ZNF521: variants seen among roughly 807,000 people sequenced by gnomAD.
ZNF521 encodes zinc finger protein 521.
Under a neutral mutation model 105.5 loss-of-function variants are expected in ZNF521, and 14 were observed. The observed-to-expected ratio is 0.13, with a 90% confidence interval of 0.09 to 0.21. The LOEUF is 0.21. ZNF521 is among the 10% of genes least tolerant of loss of function. The pLI is 1.00. For missense variants in ZNF521, 1,233 were observed against 1,629.7 expected, an observed-to-expected ratio of 0.76 and a Z score of 4.19; for synonymous variants, 635 against 606.0, an observed-to-expected ratio of 1.05 and a Z score of -0.70.
chr18:25,130,692 C>A (rs909719109), intron 5 of ZNF521, among the ~76,000 whole-genome samples: 10 of 152,102 alleles, frequency 6.6e-5, no homozygotes, highest in Admixed American at 1.3e-4. Context: ...CTTGTTATCC[C>A]AGCACTTTGG....
At chr18:25,072,217 A>T (rs1180589358) in intron 7 of ZNF521, among the ~76,000 whole-genome samples, 1 of 152,246 alleles carries the variant, frequency 6.6e-6, no homozygotes, top group Non-Finnish European at 1.5e-5. Flanking sequence ...AAGACTAAGC[A>T]AAGACTAATT....
In ZNF521 at chr18:25,210,548, C is replaced by T. The variant is rs566247807; in HGVS notation, c.3573+13797G>A. Reference sequence around the variant, plus strand: ...CTCAATCTCTTTATGACATGAAGTGCATAGTATATCACATACTTACGAGGT... The same window carrying T: ...CTCAATCTCTTTATGACATGAAGTGTATAGTATATCACATACTTACGAGGT... On this transcript the variant is annotated intron_variant, in intron 4 of 7. Coordinates refer to ENST00000361524, the MANE Select transcript of ZNF521 (RefSeq NM_015461.3). 5.9e-5 allele frequency among the ~76,000 whole-genome samples: 9 copies of T among 152,260 alleles called. No individual in the cohort carries two copies. In the East Asian group the frequency reaches 1.7e-3, roughly 29 times the overall value.
chr18:25,188,984 G>A (rs2035773467), intron 5 of ZNF521, among the ~76,000 whole-genome samples: 1 of 152,162 alleles, frequency 6.6e-6, no homozygotes, highest in Non-Finnish European at 1.5e-5. Flanking sequence ...CTAACTGCCA[G>A]TATTTTTTAT....
At chr18:25,310,414 TAAAACAA>T (rs1912234882) in intron 3 of ZNF521, among the ~76,000 whole-genome samples, 1 of 146,326 alleles carries the variant, frequency 6.8e-6, no homozygotes, top group Admixed American at 6.8e-5. Flanking sequence ...GAGTCAGATT[TAAAACAA>T]AAAACAGAAA....
chr18:25,106,319 A>G (rs896888716), intron 5 of ZNF521, among the ~76,000 whole-genome samples: 1 of 152,136 alleles, frequency 6.6e-6, no homozygotes, highest in Non-Finnish European at 1.5e-5. Flanking sequence ...GTTGATTTGG[A>G]AAATACCAGG....
intron 5 of ZNF521, among the ~76,000 whole-genome samples, chr18:25,150,906 T>G (rs1368167713): frequency 2.7e-5 from 4 of 150,130 alleles, no homozygotes; most frequent in African/African-American, 9.8e-5. Context: ...TTTTTTTTTT[T>G]GAGACAGAGT....
At chr18:25,231,840 T>C (rs1271958344) in intron 3 of ZNF521, among the ~76,000 whole-genome samples, 1 of 152,200 alleles carries the variant, frequency 6.6e-6, no homozygotes, top group African/African-American at 2.4e-5. Flanking sequence ...ATTCCAACAC[T>C]AGGGGCAATC....
At chr18:25,219,513 G>T (rs1905553969) in intron 4 of ZNF521, among the ~76,000 whole-genome samples, 1 of 152,222 alleles carries the variant, frequency 6.6e-6, no homozygotes. Context: ...CCGAAACTCA[G>T]AGCAAAGATG....
At chr18:25,178,563 A>G (rs1262040259) in intron 5 of ZNF521, among the ~76,000 whole-genome samples, 8 of 152,176 alleles carry the variant, frequency 5.3e-5, no homozygotes, top group Non-Finnish European at 1.2e-4. Flanking sequence ...TTTGTTGCCT[A>G]TTTCCCACCA....
intron 2 of ZNF521, among the ~76,000 whole-genome samples, chr18:25,322,550 A>C (rs1029291535): frequency 6.7e-6 from 1 of 150,288 alleles, no homozygotes; most frequent in Non-Finnish European, 1.5e-5. Flanking sequence ...AAAAAAAAAA[A>C]AAACCCCCCC....
At chr18:25,122,189 C>T (rs35195345) in intron 5 of ZNF521, among the ~76,000 whole-genome samples, 26,296 of 151,842 alleles carry the variant, frequency 0.17, 2,277 homozygotes, top group Middle Eastern at 0.23. Context: ...TTAGACATTA[C>T]AGAAGAAAAG....
intron 3 of ZNF521, among the ~76,000 whole-genome samples, chr18:25,316,211 AAG>A (rs1912605859): frequency 6.6e-6 from 1 of 151,936 alleles, no homozygotes; most frequent in South Asian, 2.1e-4. Flanking sequence ...GGAGAAAGGA[AAG>A]GGGAAAATAT....
chr18:25,116,587 TAAC>T (rs1335600846), intron 5 of ZNF521, among the ~76,000 whole-genome samples: 1 of 151,984 alleles, frequency 6.6e-6, no homozygotes, highest in Non-Finnish European at 1.5e-5. Flanking sequence ...CTCTTGCAGA[TAAC>T]TACTATAAAT....
At chr18:25,308,724 T>C (rs1912133787) in intron 3 of ZNF521, among the ~76,000 whole-genome samples, 1 of 143,742 alleles carries the variant, frequency 7.0e-6, no homozygotes, top group South Asian at 2.3e-4. Context: ...TCTATTCCAG[T>C]GATTTATTGG....
intron 5 of ZNF521, among the ~76,000 whole-genome samples, chr18:25,130,376 T>A (rs7230316): frequency 0.16 from 24,716 of 152,084 alleles, 2,181 homozygotes; most frequent in Middle Eastern, 0.26. Flanking sequence ...CAAAGAAAAT[T>A]TTTTGGGCAG....
At chr18:25,278,545 G>A (rs182224401) in intron 3 of ZNF521, among the ~76,000 whole-genome samples, 47 of 152,230 alleles carry the variant, frequency 3.1e-4, no homozygotes, top group African/African-American at 8.2e-4. Context: ...ACCCAGCCTC[G>A]CTGGTGATAA....
intron 3 of ZNF521, among the ~76,000 whole-genome samples, chr18:25,280,894 A>G (rs1910329784): frequency 1.3e-5 from 2 of 152,168 alleles, no homozygotes; most frequent in Admixed American, 6.6e-5. Context: ...GATCACCTAA[A>G]TACAAGGGCT....
At chr18:25,314,379 A>G (rs1912488652) in intron 3 of ZNF521, among the ~76,000 whole-genome samples, 2 of 152,184 alleles carry the variant, frequency 1.3e-5, no homozygotes, top group African/African-American at 2.4e-5. Flanking sequence ...TCACTTTCAC[A>G]TTTAAAAAAA....
chr18:25,152,166 C>T (rs78093076), intron 5 of ZNF521, among the ~76,000 whole-genome samples: 1,954 of 152,246 alleles, frequency 0.013, 39 homozygotes, highest in African/African-American at 0.043. Context: ...ATTTAGTACA[C>T]TACAAAGGCA....
Sources: gnomAD v4.1 joint callset for allele counts (sites outside exome capture counted in the v4.1 genomes callset) on GRCh38, gnomAD v4.1.1 for gene constraint, MANE v1.5 for transcripts, NCBI Gene and HGNC (gene_info 2026-07-23, HGNC 2026-07-21) for gene names.